The following MTMR8 variants were observed in gnomAD, a reference collection of about 807,000 sequenced individuals.
MTMR8 encodes phosphatidylinositol-3,5-bisphosphate 3-phosphatase MTMR8.
In MTMR8, 65 loss-of-function variants were observed where a neutral mutation model predicts 39.3. That is an observed-to-expected ratio of 1.65 (90% CI 1.35 to 2.03). MTMR8 has a LOEUF of 2.03. Among genes scored for constraint, MTMR8 ranks in the 30% most tolerant of loss-of-function variants. MTMR8 has a pLI of 0.00. For synonymous variants in MTMR8, 245 were observed against 185.2 expected, an observed-to-expected ratio of 1.32 and a Z score of -2.62; for missense variants, 777 against 538.9, an observed-to-expected ratio of 1.44 and a Z score of -4.37.
At chrX:64,365,708 A>T (rs1218381891) in intron 1 of MTMR8, among the ~76,000 whole-genome samples, 1 of 111,686 alleles carries the variant, frequency 9.0e-6, no homozygotes, top group Non-Finnish European at 1.9e-5. Context: ...TCAACTACCA[A>T]GCAAAATGAC....
chrX:64,330,278 G>T (rs1377024924), intron 11 of MTMR8, among the ~76,000 whole-genome samples: 1 of 111,734 alleles, frequency 8.9e-6, no homozygotes, highest in Non-Finnish European at 1.9e-5. Flanking sequence ...TATCTTAAAA[G>T]AATTTGGGGA....
At chrX:64,360,012 TC>T (rs1923737824) in intron 1 of MTMR8, among the ~76,000 whole-genome samples, 1 of 106,750 alleles carries the variant, frequency 9.4e-6, no homozygotes, top group African/African-American at 3.4e-5. Flanking sequence ...CAGAATTAAA[TC>T]CCAATATAGA....
At chrX:64,385,358 T>C (rs1247915998) in intron 1 of MTMR8, among the ~76,000 whole-genome samples, 1 of 111,861 alleles carries the variant, frequency 8.9e-6, no homozygotes, top group African/African-American at 3.3e-5. Flanking sequence ...CCTGTCTTCC[T>C]CTGAGCCCTC....
At chrX:64,362,160 T>C in intron 1 of MTMR8, among the ~76,000 whole-genome samples, 1 of 109,661 alleles carries the variant, frequency 9.1e-6, no homozygotes, top group East Asian at 2.8e-4. Context: ...TTTAAAAGTC[T>C]AATGAAGGAT....
chrX:64,294,710 G>T (rs1921509807), intron 12 of MTMR8, among the ~76,000 whole-genome samples: 1 of 111,788 alleles, frequency 8.9e-6, no homozygotes, highest in South Asian at 3.8e-4. Context: ...CTTCATAGAT[G>T]ACTGTCTTTT....
In MTMR8 at chrX:64,296,260, G is replaced by T. The variant is rs766340696; in HGVS notation, c.1482-25187C>A. On this transcript the variant is annotated intron_variant, in intron 12 of 13. Coordinates refer to ENST00000374852, the MANE Select transcript of MTMR8 (RefSeq NM_017677.4). Reference sequence around the variant, plus strand: ...TCACTTACATGAGCTACCTAGAATAGGTAAATTCATAAAGACCAGAAAGTA... The same window carrying T: ...TCACTTACATGAGCTACCTAGAATATGTAAATTCATAAAGACCAGAAAGTA... Among the ~76,000 whole-genome samples, 9 of 111,279 alleles carry T rather than the reference G, an allele frequency of 8.1e-5. No individual in the cohort carries two copies. In the Admixed American group the frequency reaches 8.7e-4, roughly 11 times the overall value.
At chrX:64,290,573 C>T (rs1010939290) in intron 12 of MTMR8, among the ~76,000 whole-genome samples, 7 of 110,742 alleles carry the variant, frequency 6.3e-5, no homozygotes, top group Non-Finnish European at 1.3e-4. Flanking sequence ...ACTAGGCAAA[C>T]TCCTGCTCTC....
At chrX:64,294,642 A>C (rs1036665258) in intron 12 of MTMR8, among the ~76,000 whole-genome samples, 3 of 111,698 alleles carry the variant, frequency 2.7e-5, no homozygotes, top group African/African-American at 9.8e-5. Flanking sequence ...CATGGAGGCT[A>C]GGAAGTGCAA....
At position 64,268,962 on chromosome X, in the gene MTMR8, T is replaced by A; in HGVS notation, c.1690A>T (p.Ser564Cys). 1 of 1,211,300 alleles carries A rather than the reference T, an allele frequency of 8.3e-7. No individual in the cohort carries two copies. Among genetic ancestry groups the A allele is most frequent in the Non-Finnish European group, 1.1e-6 (1 of 894,987 alleles). Residue 564 changes from serine to cysteine, a missense_variant, in exon 14 of 14, where the codon AGT (serine) becomes TGT (cysteine). Transcript: ENST00000374852. ...AAGCCAAGAGGATTGGTCAAAGGAC[T>A]TCCCAGATGCTGGGATAATATGTTT... ...LGNILSQHLG[S>C]PLTNPLGFMG...
At chrX:64,348,922 G>A (rs1012552692) in intron 5 of MTMR8, 128 bp from the exon 6 acceptor site, 6 of 715,040 alleles carry the variant, frequency 8.4e-6, no homozygotes, top group Admixed American at 3.2e-5. Context: ...CCAAAGCAAA[G>A]AGAAATGTGA....
At chrX:64,363,302 G>A (rs761654378) in intron 1 of MTMR8, among the ~76,000 whole-genome samples, 108 of 112,239 alleles carry the variant, frequency 9.6e-4, no homozygotes, top group African/African-American at 3.4e-3. Context: ...CAATGTTGGT[G>A]GTGGGGCCTG....
At chrX:64,320,011 C>T (rs928374856) in intron 12 of MTMR8, among the ~76,000 whole-genome samples, 15 of 111,292 alleles carry the variant, frequency 1.3e-4, no homozygotes, top group Admixed American at 2.9e-4. Context: ...GCCATTTTCA[C>T]GATATTGATT....
intron 12 of MTMR8, among the ~76,000 whole-genome samples, chrX:64,290,523 C>T (rs974606042): frequency 9.9e-5 from 11 of 110,797 alleles, no homozygotes; most frequent in Non-Finnish European, 1.9e-4. Flanking sequence ...AATATCACAA[C>T]CAGGATACTG....
intron 12 of MTMR8, among the ~76,000 whole-genome samples, chrX:64,292,748 G>T (rs1354089216): frequency 9.0e-6 from 1 of 111,244 alleles, no homozygotes; most frequent in African/African-American, 3.3e-5. Context: ...AAAAGGGGCT[G>T]CCTGACTATA....
intron 12 of MTMR8, chrX:64,305,609 C>T (rs1922083518): frequency 3.8e-6 from 2 of 523,008 alleles, no homozygotes; most frequent in Non-Finnish European, 7.1e-6. Context: ...TCTGAACCAC[C>T]CGGCGGCTGA....
chrX:64,271,161 G>A, intron 12 of MTMR8, 88 bp from the exon 13 acceptor site: 1 of 956,319 alleles, frequency 1.0e-6, no homozygotes, highest in East Asian at 3.6e-5. Flanking sequence ...AGAAAATATT[G>A]GCTTAGTAGG....
intron 1 of MTMR8, among the ~76,000 whole-genome samples, chrX:64,369,149 C>T (rs1394524470): frequency 1.8e-5 from 2 of 111,914 alleles, no homozygotes; most frequent in South Asian, 3.8e-4. Context: ...AATAGGAATG[C>T]CTTTACACTG....
At chrX:64,317,265 CA>C (rs1922495373) in intron 12 of MTMR8, among the ~76,000 whole-genome samples, 1 of 111,587 alleles carries the variant, frequency 9.0e-6, no homozygotes, top group East Asian at 2.8e-4. Context: ...TATTATCAGC[CA>C]TTATTTATTT....
chrX:64,350,812 A>G (rs905702305), intron 4 of MTMR8, among the ~76,000 whole-genome samples: 1 of 111,577 alleles, frequency 9.0e-6, no homozygotes, highest in African/African-American at 3.3e-5. Context: ...GGTTACCAAA[A>G]TACATATTTC....
Sources: allele counts gnomAD v4.1 joint callset (sites outside exome capture counted in the v4.1 genomes callset), GRCh38; gene constraint gnomAD v4.1.1; transcripts MANE v1.5; gene names NCBI Gene and HGNC (gene_info 2026-07-23, HGNC 2026-07-21).